EP300: variants seen among roughly 807,000 people sequenced by gnomAD.
EP300 encodes the protein histone acetyltransferase p300.
In EP300, 31 loss-of-function variants were observed where a neutral mutation model predicts 264.0. The ratio of observed to expected loss-of-function variants is 0.12; its 90% confidence interval spans 0.09 to 0.16. The LOEUF is 0.16. Among genes scored for constraint, EP300 ranks in the 10% least tolerant of loss-of-function variants. The pLI, the probability that EP300 is intolerant of heterozygous loss-of-function variation, is 1.00. For missense variants in EP300, 2,766 were observed against 3,052.9 expected (o/e 0.91, Z 2.21); for synonymous variants, 1,340 against 1,045.4 (o/e 1.28, Z -5.44).
rs761121417 is a variant in EP300, at chr22:41,131,570, A to G, written c.1465A>G (p.Lys489Glu). ...GCCGACACAACCCCAGGTGCAAGCA[A>G]AGAACCAGCAGAATCAGCAGCCTGG... ...QMPTQPQVQA[K>E]NQQNQQPGQS... The change falls in exon 6 of 31, where the codon AAG becomes GAG. Residue 489 changes from lysine (K) to glutamate (E), a missense_variant. Coordinates refer to ENST00000263253, the MANE Select transcript of EP300 (RefSeq NM_001429.4). 7 of 1,614,134 alleles carry G rather than the reference A, an allele frequency of 4.3e-6. No individual in the cohort carries two copies. The highest frequency in any genetic ancestry group is 5.1e-6 in the Non-Finnish European group (6 of 1,180,028).
rs564408584 is a variant in EP300, at chr22:41,164,952, A to G, written c.3806+822A>G. On this transcript the variant is annotated intron_variant, in intron 22 of 30. Coordinates refer to ENST00000263253, the MANE Select transcript of EP300 (RefSeq NM_001429.4). ...GTATATGGGACATCCAGTGCCTCTC[A>G]TTAAGATGGGATCTCCATCTCTTCT... 7.2e-5 allele frequency among the ~76,000 whole-genome samples: 11 copies of G among 152,320 alleles called. No homozygotes were observed. In the South Asian group the frequency reaches 2.3e-3, roughly 32 times the overall value.
intron 12 of EP300, 92 bp downstream of exon 12, chr22:41,148,038 T>A (rs1230576010): frequency 1.1e-6 from 1 of 910,044 alleles, no homozygotes; most frequent in Non-Finnish European, 1.7e-6. Flanking sequence ...CACAGTCATT[T>A]AAACAGACCA....
rs750740148 is a variant in EP300, at chr22:41,140,160, C to T, written c.1781C>T (p.Thr594Met). Residue 594 changes from threonine to methionine, a missense_variant, in exon 9 of 31, where the codon ACG (threonine) becomes ATG (methionine). Coordinates refer to ENST00000263253, the MANE Select transcript of EP300 (RefSeq NM_001429.4). Reference protein sequence around the residue: ...VHKLVQAIFPTPDPAALKDRR... With the variant: ...VHKLVQAIFPMPDPAALKDRR... ...TCCAGCGTCCAAGCCATATTTCCTACGCCGGATCCTGCTGCTTTAAAAGAC... is the reference window on the plus strand; with the variant it reads ...TCCAGCGTCCAAGCCATATTTCCTATGCCGGATCCTGCTGCTTTAAAAGAC... 2.2e-5 allele frequency: 36 copies of T among 1,613,804 alleles called. No homozygotes were observed. The highest frequency in any genetic ancestry group is 1.6e-4 in the Middle Eastern group (1 of 6,084).
intron 30 of EP300, 81 bp downstream of exon 30, chr22:41,176,609 G>A (rs2059202014): frequency 1.9e-6 from 3 of 1,608,544 alleles, no homozygotes; most frequent in East Asian, 4.5e-5. Context: ...ATTTTATAGA[G>A]GCCTGTGGGA....
At chr22:41,169,260 AC>A (rs1342040513) in intron 25 of EP300, 1 of 578,734 alleles carries the variant, frequency 1.7e-6, no homozygotes, top group Non-Finnish European at 3.1e-6. Flanking sequence ...ATCACCAAAT[AC>A]TGATTGATGT....
At chr22:41,170,962 CTT>C (rs566562957) in intron 27 of EP300, among the ~76,000 whole-genome samples, 22 of 136,562 alleles carry the variant, frequency 1.6e-4, no homozygotes, top group Non-Finnish European at 1.9e-4. Context: ...CGTGCCCAGC[CTT>C]TTTTTTTTTT....
intron 2 of EP300, among the ~76,000 whole-genome samples, chr22:41,121,865 T>C (rs1033307794): frequency 6.6e-6 from 1 of 152,216 alleles, no homozygotes; most frequent in Admixed American, 6.5e-5. Flanking sequence ...TTGTTTGTCA[T>C]GCGGGTTCTG....
intron 1 of EP300, among the ~76,000 whole-genome samples, chr22:41,101,508 T>G (rs987512451): frequency 2.0e-5 from 3 of 150,878 alleles, no homozygotes; most frequent in African/African-American, 7.3e-5. Context: ...GCCTCCTGGG[T>G]TCATGCCATT....
chr22:41,154,372 C>T (rs1378630484), intron 16 of EP300, among the ~76,000 whole-genome samples: 2 of 81,556 alleles, frequency 2.5e-5, no homozygotes, highest in Non-Finnish European at 4.7e-5. Context: ...GTATCTTGTG[C>T]ACTCTTTTTT....
At chr22:41,161,685 ACTGT>A (rs1243925737) in intron 20 of EP300, among the ~76,000 whole-genome samples, 14 of 152,282 alleles carry the variant, frequency 9.2e-5, no homozygotes, top group African/African-American at 2.9e-4. Context: ...TCAAACTGGG[ACTGT>A]CTAAGAAGGA....
chr22:41,099,063 T>G (rs914290636), intron 1 of EP300, among the ~76,000 whole-genome samples: 1 of 152,088 alleles, frequency 6.6e-6, no homozygotes, highest in Admixed American at 6.5e-5. Flanking sequence ...GTTTGGGGGT[T>G]GTTTTTGTTT....
chr22:41,171,921 ATTC>A (rs1218927411), intron 27 of EP300, among the ~76,000 whole-genome samples: 1 of 152,152 alleles, frequency 6.6e-6, no homozygotes, highest in East Asian at 1.9e-4. Context: ...CCAAAAATAT[ATTC>A]TTAATTAACA....
chr22:41,168,967 G>A, intron 25 of EP300, 100 bp downstream of exon 25: 1 of 1,552,568 alleles, frequency 6.4e-7, no homozygotes. Flanking sequence ...TAGTGTGTTT[G>A]GTTTGGAAAT....
intron 19 of EP300, chr22:41,160,322 T>C (rs1307612133): frequency 2.7e-6 from 1 of 370,294 alleles, no homozygotes; most frequent in Non-Finnish European, 5.1e-6. Context: ...GTCTTGCTTT[T>C]ATGTTTTTTG....
intron 6 of EP300, among the ~76,000 whole-genome samples, chr22:41,135,136 G>A (rs939786139): frequency 6.6e-6 from 1 of 152,080 alleles, no homozygotes. Context: ...TGCTGACTTC[G>A]TGATCCGCCC....
intron 8 of EP300, 137 bp downstream of exon 8, chr22:41,137,927 C>T (rs1304888792): frequency 1.7e-6 from 2 of 1,200,804 alleles, no homozygotes; most frequent in African/African-American, 1.5e-5. Context: ...TACTTCTACT[C>T]TTGTGGATTT....
chr22:41,135,712 AT>A (rs957246633), intron 6 of EP300, 100 bp from the exon 7 acceptor site: 70 of 924,338 alleles, frequency 7.6e-5, no homozygotes, highest in Admixed American at 2.4e-4. Context: ...TATGCTGCAA[AT>A]TTTTTTTCTG....
chr22:41,130,252 A>AT (rs1039833439), intron 5 of EP300, among the ~76,000 whole-genome samples: 1 of 133,548 alleles, frequency 7.5e-6, no homozygotes, highest in Non-Finnish European at 1.6e-5. Context: ...ACCTGCCTCA[A>AT]TTAAAAAAAA....
Position 41,092,867 on chromosome 22 carries a change from A to G in EP300, c.-138A>G. The G allele has an allele frequency of 1.1e-6, 1 of 917,594 alleles. No individual in the cohort carries two copies. The highest frequency in any genetic ancestry group is 1.3e-5 in the South Asian group (1 of 76,506). The allele number at this position is 917,594 out of a possible 1,614,324, so 56.8% of individuals were successfully genotyped here. On this transcript the variant is annotated 5_prime_UTR_variant, in exon 1 of 31. Transcript: ENST00000263253. Reference sequence around the variant, plus strand: ...GCCACTGCGACCCGGCGAAGAGAAAAAGGAACTTCCCCCACCCCCTCGGGT... The same window carrying G: ...GCCACTGCGACCCGGCGAAGAGAAAGAGGAACTTCCCCCACCCCCTCGGGT...
Sources: gnomAD v4.1 joint callset for allele counts (sites outside exome capture counted in the v4.1 genomes callset) on GRCh38, gnomAD v4.1.1 for gene constraint, MANE v1.5 for transcripts, NCBI Gene and HGNC (gene_info 2026-07-23, HGNC 2026-07-21) for gene names.